The following SRD5A1 variants were observed in gnomAD, a reference collection of about 807,000 sequenced individuals.
The protein encoded by SRD5A1 is 3-oxo-5-alpha-steroid 4-dehydrogenase 1.
In SRD5A1, 22 loss-of-function variants were observed where a neutral mutation model predicts 28.2. The observed-to-expected ratio is 0.78, with a 90% CI of 0.56 to 1.12. The LOEUF is 1.12. Among genes scored for constraint, SRD5A1 ranks in the 50% most tolerant of loss-of-function variants. The pLI, the probability that SRD5A1 is intolerant of heterozygous loss-of-function variation, is 0.00. For missense variants in SRD5A1, 300 were observed against 346.7 expected, an observed-to-expected ratio of 0.87 and a Z score of 1.07; for synonymous variants, 151 against 135.0, an observed-to-expected ratio of 1.12 and a Z score of -0.82.
chr5:6,652,235 G>A (rs555834111), intron 2 of SRD5A1, among the ~76,000 whole-genome samples: 1 of 152,370 alleles, frequency 6.6e-6, no homozygotes, highest in African/African-American at 2.4e-5. Flanking sequence ...AGGCACTGAA[G>A]CACAGGTGCC....
intron 3 of SRD5A1, among the ~76,000 whole-genome samples, chr5:6,657,548 G>A (rs1329135161): frequency 6.6e-6 from 1 of 152,226 alleles, no homozygotes; most frequent in Non-Finnish European, 1.5e-5. Flanking sequence ...TGAAGGAGAG[G>A]GCCCTGTCCT....
chr5:6,643,602 A>G lies in SRD5A1; in HGVS notation c.294-8240A>G, dbSNP rs547230409. 1.3e-4 allele frequency among the ~76,000 whole-genome samples: 20 copies of G among 152,236 alleles called. No homozygotes were observed. In the South Asian group the frequency reaches 3.9e-3, roughly 30 times the overall value. ...ACTGCATCTGGTCCTGCCTTGCTTA[A>G]ATAGACTGTTGAGGGTGCTCCCAGT... On this transcript the variant is annotated intron_variant, in intron 1 of 4. Coordinates refer to ENST00000274192, the MANE Select transcript of SRD5A1 (RefSeq NM_001047.4).
chr5:6,652,281 G>A (rs1738702071), intron 2 of SRD5A1, among the ~76,000 whole-genome samples: 1 of 152,222 alleles, frequency 6.6e-6, no homozygotes, highest in South Asian at 2.1e-4. Context: ...GCAGTGGGCT[G>A]TAGCAGAATG....
chr5:6,656,012 G>T (rs575292801), intron 2 of SRD5A1, 66 bp from the exon 3 acceptor site: 12 of 1,192,074 alleles, frequency 1.0e-5, no homozygotes, highest in Middle Eastern at 2.2e-4. Context: ...GTTCAGTCAG[G>T]CTGGGGCTCG....
rs1739305818 is a variant in SRD5A1, at chr5:6,669,644, A to G, written c.*1376A>G. On this transcript the variant is annotated 3_prime_UTR_variant, in exon 5 of 5. Coordinates refer to ENST00000274192, the MANE Select transcript of SRD5A1 (RefSeq NM_001047.4). Reference sequence around the variant, plus strand: ...TTCCTGTTTTTATTTGGTTTTTTCAACTTCTTCTGTTTACTATCTACAGTG... The same window carrying G: ...TTCCTGTTTTTATTTGGTTTTTTCAGCTTCTTCTGTTTACTATCTACAGTG... The G allele has an allele frequency of 6.6e-6, 1 of 152,152 alleles. No homozygotes were observed. Among genetic ancestry groups the G allele is most frequent in the Non-Finnish European group, 1.5e-5 (1 of 68,028 alleles). The allele number at this position is 152,152 out of a possible 1,614,324, so 9.4% of individuals were successfully genotyped here.
At chr5:6,667,364 C>T (rs1427607096) in intron 4 of SRD5A1, among the ~76,000 whole-genome samples, 2 of 152,168 alleles carry the variant, frequency 1.3e-5, no homozygotes, top group African/African-American at 2.4e-5. Flanking sequence ...TTGTGGATTC[C>T]GGTGTTAAAC....
At chr5:6,635,758 A>G (rs1040283282) in intron 1 of SRD5A1, among the ~76,000 whole-genome samples, 4 of 152,252 alleles carry the variant, frequency 2.6e-5, no homozygotes, top group African/African-American at 9.6e-5. Context: ...TTGGAAATCA[A>G]GGGAACACTT....
intron 1 of SRD5A1, among the ~76,000 whole-genome samples, chr5:6,639,977 A>G (rs940921458): frequency 1.3e-5 from 2 of 152,252 alleles, no homozygotes; most frequent in African/African-American, 4.8e-5. Flanking sequence ...TACACATACA[A>G]CATCTTGTAA....
At chr5:6,633,892 C>T (rs753499071) in intron 1 of SRD5A1, 23 bp downstream of exon 1, 1 of 1,594,630 alleles carries the variant, frequency 6.3e-7, no homozygotes, top group East Asian at 2.2e-5. Context: ...GCCCCCGGCC[C>T]CCTACCCTAC....
chr5:6,669,676 A>G lies in SRD5A1; in HGVS notation c.*1408A>G, dbSNP rs1192615185. The G allele has an allele frequency of 4.6e-5, 7 of 152,338 alleles. No individual in the cohort carries two copies. In the East Asian group the frequency reaches 1.3e-3, roughly 29 times the overall value. 9.4% of individuals were successfully genotyped at this position (152,338 alleles called of 1,614,324 possible). A position where few individuals can be genotyped will look rare whatever the true frequency, so the allele number is the denominator to read the frequency against. ...CTGTTTACTATCTACAGTGATTTGGAAAGGAGATTTCCTTTAAAACAAACA... is the reference window on the plus strand; with the variant it reads ...CTGTTTACTATCTACAGTGATTTGGGAAGGAGATTTCCTTTAAAACAAACA... On this transcript the variant is annotated 3_prime_UTR_variant, in exon 5 of 5. Coordinates refer to ENST00000274192, the MANE Select transcript of SRD5A1 (RefSeq NM_001047.4).
At chr5:6,645,367 C>T (rs536601602) in intron 1 of SRD5A1, 3 of 190,060 alleles carry the variant, frequency 1.6e-5, no homozygotes, top group East Asian at 1.5e-4. Flanking sequence ...GGGCTGGTCG[C>T]GGTGGCTCAG....
At chr5:6,634,179 T>C (rs2126519879) in intron 1 of SRD5A1, among the ~76,000 whole-genome samples, 1 of 152,312 alleles carries the variant, frequency 6.6e-6, no homozygotes, top group African/African-American at 2.4e-5. Context: ...TTGGTTTCCT[T>C]AGCCGGGCGC....
At chr5:6,666,400 A>G (rs573944023) in intron 4 of SRD5A1, among the ~76,000 whole-genome samples, 111 of 152,318 alleles carry the variant, frequency 7.3e-4, no homozygotes, top group African/African-American at 1.5e-3. Context: ...TGCCCGCCTC[A>G]GCCTCCCAAA....
At chr5:6,651,158 G>A (rs1738660745) in intron 1 of SRD5A1, among the ~76,000 whole-genome samples, 1 of 152,174 alleles carries the variant, frequency 6.6e-6, no homozygotes, top group East Asian at 1.9e-4. Context: ...TTGCAATGGT[G>A]ATGGATGATG....
chr5:6,651,957 C>T lies in SRD5A1; in HGVS notation c.409C>T (p.His137Tyr), dbSNP rs1560999672. 1.2e-6 allele frequency: 2 copies of T among 1,614,148 alleles called. No homozygotes were observed. Among genetic ancestry groups the T allele is most frequent in the East Asian group, 4.5e-5 (2 of 44,884 alleles). The change falls in exon 2 of 5, where the codon CAT becomes TAT. Residue 137 changes from histidine to tyrosine, a missense_variant. By Grantham distance (83) the His-to-Tyr change is moderately conservative. Around this residue, in one of 2 missense-constraint regions of SRD5A1, gnomAD observed 126 missense variants for 185.7 expected, o/e 0.68. Transcript: ENST00000274192. ...NGYLQSRYLS[H>Y]CAVYADDWVT... ...CTATTTGCAAAGCAGATACTTGAGCCATTGTGCAGTGTATGCTGATGACTG... is the reference window on the plus strand; with the variant it reads ...CTATTTGCAAAGCAGATACTTGAGCTATTGTGCAGTGTATGCTGATGACTG...
At chr5:6,635,273 T>G (rs1189032822) in intron 1 of SRD5A1, among the ~76,000 whole-genome samples, 1 of 152,240 alleles carries the variant, frequency 6.6e-6, no homozygotes. Context: ...ATCAGAGGCT[T>G]AGTGAGTACT....
chr5:6,653,001 A>T (rs1738724102), intron 2 of SRD5A1, among the ~76,000 whole-genome samples: 1 of 152,184 alleles, frequency 6.6e-6, no homozygotes, highest in Admixed American at 6.5e-5. Flanking sequence ...GTAGCATGCT[A>T]AAAGTCTGAA....
intron 1 of SRD5A1, among the ~76,000 whole-genome samples, chr5:6,645,639 CAAAAA>C (rs35510604): frequency 8.2e-6 from 1 of 121,596 alleles, no homozygotes; most frequent in Non-Finnish European, 1.8e-5. Context: ...AACTCCATCT[CAAAAA>C]AAAAAAAAAA....
chr5:6,650,226 A>G (rs992676225), intron 1 of SRD5A1, among the ~76,000 whole-genome samples: 4 of 152,076 alleles, frequency 2.6e-5, no homozygotes, highest in Non-Finnish European at 5.9e-5. Flanking sequence ...GATCAGACAT[A>G]GAGAGACCCT....
Sources: allele counts gnomAD v4.1 joint callset (sites outside exome capture counted in the v4.1 genomes callset), GRCh38; gene constraint gnomAD v4.1.1; regional missense constraint gnomAD v4.1.1; transcripts MANE v1.5; gene names NCBI Gene and HGNC (gene_info 2026-07-23, HGNC 2026-07-21).